Variants in DOCK10 observed in about 807,000 individuals in gnomAD.
The protein encoded by DOCK10 is dedicator of cytokinesis protein 10.
A neutral mutation model predicts 280.1 loss-of-function variants in DOCK10; 145 were observed. That is an observed-to-expected ratio of 0.52 (90% CI 0.45 to 0.59). The LOEUF is 0.59. DOCK10 is among the 20% of genes least tolerant of loss of function. The pLI, the probability that DOCK10 is intolerant of heterozygous loss-of-function variation, is 0.00. For synonymous variants in DOCK10, 915 were observed against 942.2 expected (o/e 0.97, Z 0.53); for missense variants, 2,368 against 2,651.7 (o/e 0.89, Z 2.35).
At chr2:224,961,028 G>A (rs1051626486) in intron 1 of DOCK10, among the ~76,000 whole-genome samples, 24 of 152,258 alleles carry the variant, frequency 1.6e-4, no homozygotes, top group Middle Eastern at 6.8e-3. Flanking sequence ...GTGAGCCACC[G>A]CGCCCGGCCC....
At chr2:224,931,109 T>A (rs779962763) in intron 2 of DOCK10, among the ~76,000 whole-genome samples, 2 of 152,250 alleles carry the variant, frequency 1.3e-5, no homozygotes, top group Admixed American at 6.5e-5. Context: ...TATCTCCTTA[T>A]GAAAGACAAA....
chr2:225,008,099 T>C (rs949237672), intron 1 of DOCK10, among the ~76,000 whole-genome samples: 13 of 152,208 alleles, frequency 8.5e-5, no homozygotes, highest in African/African-American at 2.9e-4. Flanking sequence ...ACTCAGTATA[T>C]TGAAGAGTAT....
intron 25 of DOCK10, among the ~76,000 whole-genome samples, chr2:224,836,600 A>T (rs944653480): frequency 6.6e-6 from 1 of 151,450 alleles, no homozygotes; most frequent in Non-Finnish European, 1.5e-5. Context: ...GGGAGTGTGG[A>T]ATTTTTTTTT....
intron 1 of DOCK10, among the ~76,000 whole-genome samples, chr2:224,961,829 T>C (rs1303808730): frequency 6.6e-6 from 1 of 152,138 alleles, no homozygotes; most frequent in African/African-American, 2.4e-5. Flanking sequence ...TCTTACAGGG[T>C]ACATCTTATT....
intron 28 of DOCK10, among the ~76,000 whole-genome samples, chr2:224,822,540 C>T (rs373723390): frequency 6.6e-6 from 1 of 152,060 alleles, no homozygotes; most frequent in Non-Finnish European, 1.5e-5. Context: ...GCCTGGGCTA[C>T]GTGGCAAAAC....
At chr2:225,011,478 C>T (rs1444995008) in intron 1 of DOCK10, among the ~76,000 whole-genome samples, 1 of 152,098 alleles carries the variant, frequency 6.6e-6, no homozygotes, top group Non-Finnish European at 1.5e-5. Flanking sequence ...ACATCAATGC[C>T]ACCAGCCAAT....
At chr2:224,858,873 C>T (rs1559582088) in intron 14 of DOCK10, among the ~76,000 whole-genome samples, 4 of 152,058 alleles carry the variant, frequency 2.6e-5, no homozygotes, top group South Asian at 4.1e-4. Flanking sequence ...GTAAGCTTTT[C>T]GTTTTCTTGC....
intron 40 of DOCK10, among the ~76,000 whole-genome samples, chr2:224,801,303 A>AAAAC (rs55750850): frequency 2.1e-3 from 308 of 146,118 alleles, no homozygotes; most frequent in African/African-American, 6.8e-3. Context: ...AAAAAAAAAA[A>AAAAC]CATATTTGGG....
rs939066612 is a variant in DOCK10, at chr2:224,902,990, C to T, written c.334-6613G>A. The stretch of plus-strand genomic sequence containing the variant: ...GCAGGCGCCTGTAGTCCCAGCTACT[C>T]GGGAGGCTGAGGCGGGAGAACGGCG... On this transcript the variant is annotated intron_variant, in intron 3 of 55. Coordinates refer to ENST00000258390, the MANE Select transcript of DOCK10 (RefSeq NM_014689.3). Among the ~76,000 whole-genome samples the T allele has an allele frequency of 3.3e-5, 5 of 151,926 alleles. 1 individual carries two copies. The highest frequency in any genetic ancestry group is 4.8e-5 in the African/African-American group (2 of 41,356).
rs1176124952 is a variant in DOCK10, at chr2:224,896,397, C to A, written c.334-20G>T. 6.9e-7 allele frequency: 1 copy of A among 1,443,656 alleles called. No homozygotes were observed. Among genetic ancestry groups the A allele is most frequent in the Non-Finnish European group, 9.6e-7 (1 of 1,044,670 alleles). The allele number at this position is 1,443,656 out of a possible 1,614,324, so 89.4% of individuals were successfully genotyped here. A position where few individuals can be genotyped will look rare whatever the true frequency, so the allele number is the denominator to read the frequency against. On this transcript the variant is annotated intron_variant, in intron 3 of 55. Transcript: ENST00000258390. ...ACAAGCCTGAAAGAAAGAAAAATGACAATTATTAATATAAAAATTATCATT... is the reference window on the plus strand; with the variant it reads ...ACAAGCCTGAAAGAAAGAAAAATGAAAATTATTAATATAAAAATTATCATT...
chr2:225,025,899 ACTCT>A (rs1204435832), intron 1 of DOCK10, among the ~76,000 whole-genome samples: 1 of 152,048 alleles, frequency 6.6e-6, no homozygotes, highest in Non-Finnish European at 1.5e-5. Flanking sequence ...CTATTATAAA[ACTCT>A]CTGTCTGGAA....
chr2:225,035,570 A>ATATATATATATATAT, intron 1 of DOCK10, among the ~76,000 whole-genome samples: 1 of 58,228 alleles, frequency 1.7e-5, no homozygotes, highest in African/African-American at 4.7e-5. Flanking sequence ...ATATATATAT[A>ATATATATATATATAT]TATATATATA....
chr2:224,845,065 GAT>G, intron 21 of DOCK10, 136 bp downstream of exon 21: 1 of 964,130 alleles, frequency 1.0e-6, no homozygotes, highest in South Asian at 1.7e-5. Flanking sequence ...CTAAACAAGA[GAT>G]GTGGCATAGG....
At chr2:224,835,796 A>G (rs769843966) in intron 25 of DOCK10, among the ~76,000 whole-genome samples, 43 of 152,238 alleles carry the variant, frequency 2.8e-4, no homozygotes, top group Non-Finnish European at 5.0e-4. Flanking sequence ...GTTAAAATTT[A>G]TTATAAAATT....
Position 224,853,100 on chromosome 2 carries a change from G to A in DOCK10, c.1911C>T (p.Ile637=). The A allele has an allele frequency of 1.3e-6, 2 of 1,599,456 alleles. No homozygotes were observed. The highest frequency in any genetic ancestry group is 1.7e-6 in the Non-Finnish European group (2 of 1,172,118). ...EHPNCVTSSF[I]PVKPFNMMAQ... ...CCATCATGTTGAAAGGCTTGACAGG[G>A]ATAAAGGACGATGTTACACAATCTT... Residue 637 remains isoleucine, a synonymous_variant, in exon 17 of 56, where the codon ATC becomes ATT. Coordinates refer to ENST00000258390, the MANE Select transcript of DOCK10 (RefSeq NM_014689.3).
chr2:225,017,705 C>CA lies in DOCK10; in HGVS notation c.123+24546dup, dbSNP rs61170287. Reference sequence around the variant, plus strand: ...ATAACTGAAGATATGCCTACTGTTCCAAAAAAAAAAAAAAAGCAAAAAGGA... The same window carrying CA: ...ATAACTGAAGATATGCCTACTGTTCCAAAAAAAAAAAAAAAAGCAAAAAGGA... On this transcript the variant is annotated intron_variant, in intron 1 of 55. Coordinates refer to ENST00000258390, the MANE Select transcript of DOCK10 (RefSeq NM_014689.3). Among the ~76,000 whole-genome samples the CA allele has an allele frequency of 5.3e-3, 670 of 126,726 alleles. 6 individuals are homozygous for CA. The highest frequency in any genetic ancestry group is 0.011 in the African/African-American group (391 of 34,158). 83.1% of individuals were successfully genotyped at this position (126,726 alleles called of 152,430 possible).
At chr2:225,036,827 T>C (rs1475635936) in intron 1 of DOCK10, among the ~76,000 whole-genome samples, 1 of 152,188 alleles carries the variant, frequency 6.6e-6, no homozygotes, top group Non-Finnish European at 1.5e-5. Context: ...AACAAAGCTA[T>C]AGGACTTAAT....
At chr2:224,823,058 G>A (rs1694606913) in intron 28 of DOCK10, among the ~76,000 whole-genome samples, 1 of 150,158 alleles carries the variant, frequency 6.7e-6, no homozygotes, top group African/African-American at 2.5e-5. Context: ...TGTGATCTCG[G>A]CTCACTGCAA....
intron 4 of DOCK10, 46 bp from the exon 5 acceptor site, chr2:224,886,577 G>T: frequency 6.7e-7 from 1 of 1,494,930 alleles, no homozygotes; most frequent in South Asian, 1.2e-5. Flanking sequence ...ATTGGAGACA[G>T]CTTTCATTTT....
Sources: allele counts gnomAD v4.1 joint callset (sites outside exome capture counted in the v4.1 genomes callset), GRCh38; gene constraint gnomAD v4.1.1; transcripts MANE v1.5; gene names NCBI Gene and HGNC (gene_info 2026-07-23, HGNC 2026-07-21).